The following C1QTNF5 variants were observed in gnomAD, a reference collection of about 807,000 sequenced individuals.
C1QTNF5 encodes the protein complement C1q tumor necrosis factor-related protein 5.
In C1QTNF5, 5 loss-of-function variants were observed where a neutral mutation model predicts 10.9. The observed-to-expected ratio is 0.46, with a 90% CI of 0.24 to 0.97. C1QTNF5 has a LOEUF of 0.97. Ranked by LOEUF, C1QTNF5 falls within the 50% of genes least tolerant of loss-of-function variation. C1QTNF5 has a pLI of 0.19. For missense variants in C1QTNF5, 281 were observed against 339.4 expected, an observed-to-expected ratio of 0.83 and a Z score of 1.35; for synonymous variants, 161 against 156.5, an observed-to-expected ratio of 1.03 and a Z score of -0.22.
rs368962202 is a variant in C1QTNF5, at chr11:119,339,648, C to A, written c.415G>T (p.Val139Phe). ...LVNEQGHYDA[V>F]TGKFTCQVPG... ...ACCTGGCAGGTGAACTTGCCGGTGA[C>A]GGCGTCGTAATGTCCCTGCTCGTTC... The change falls in exon 3 of 3, where the codon GTC becomes TTC. Residue 139 changes from valine (V) to phenylalanine (F), a missense_variant. Val to Phe is a conservative substitution (Grantham distance 50). Transcript: ENST00000528368. This position sits in a 1 kb window ranked among gnomAD's most constrained non-coding sequence, Gnocchi z 5.4. The A allele has an allele frequency of 6.8e-6, 11 of 1,612,468 alleles. No individual in the cohort carries two copies. Among genetic ancestry groups the A allele is most frequent in the Non-Finnish European group, 8.5e-6 (10 of 1,180,030 alleles).
chr11:119,342,430 C>T (rs1053424434), upstream of C1QTNF5, among the ~76,000 whole-genome samples: 3 of 152,158 alleles, frequency 2.0e-5, no homozygotes, highest in Non-Finnish European at 2.9e-5. Flanking sequence ...CACCACCAGC[C>T]GACTGTCTTC....
chr11:119,346,210 C>T, the C1QTNF5 span: 2 of 1,568,442 alleles, frequency 1.3e-6, no homozygotes, highest in East Asian at 4.7e-5. Flanking sequence ...GGGTATTCCT[C>T]ATGCTGTCCT....
upstream of C1QTNF5, chr11:119,341,739 G>A (rs730882144): frequency 9.3e-6 from 15 of 1,613,264 alleles, no homozygotes; most frequent in South Asian, 9.9e-5. Context: ...AGGAGCCTCC[G>A]GAAATGCTGG....
upstream of C1QTNF5, chr11:119,343,679 G>A (rs762637315): frequency 1.3e-5 from 14 of 1,074,872 alleles, no homozygotes; most frequent in African/African-American, 3.1e-5. Context: ...TCTTTAGGGT[G>A]ATGGTGAAGA....
At chr11:119,344,738 C>G (rs541289282), upstream of C1QTNF5, 1 of 1,614,040 alleles carries the variant, frequency 6.2e-7, no homozygotes, top group East Asian at 2.2e-5. Context: ...CACAGCGGAA[C>G]TCATCATGGG....
chr11:119,341,092 A>C (rs1314738116), upstream of C1QTNF5: 1 of 206,410 alleles, frequency 4.8e-6, no homozygotes, highest in Non-Finnish European at 9.9e-6. Context: ...CAAGGACCAG[A>C]CCCCATTTCA....
rs1177929329 is a variant in C1QTNF5, at chr11:119,339,825, G to T, written c.238C>A (p.Pro80Thr). 1 of 1,512,208 alleles carries T rather than the reference G, an allele frequency of 6.6e-7. No individual in the cohort carries two copies. The highest frequency in any genetic ancestry group is 2.4e-5 in the East Asian group (1 of 40,900). The allele number at this position is 1,512,208 out of a possible 1,614,324, so 93.7% of individuals were successfully genotyped here. The change falls in exon 3 of 3, where the codon CCC (proline) becomes ACC (threonine). Residue 80 changes from proline (P) to threonine (T), a missense_variant. By Grantham distance (38) the Pro-to-Thr change is conservative. Coordinates refer to ENST00000528368, the MANE Select transcript of C1QTNF5 (RefSeq NM_001278431.2). This position sits in a 1 kb window ranked among gnomAD's most constrained non-coding sequence, Gnocchi z 5.4. The stretch of plus-strand genomic sequence containing the variant: ...GGTCCCGCCTCTCCTCGCGGCCCGG[G>T]GTCCCCTCGAGGTCCCGGCAGTCCT... The part of the protein sequence containing the change: ...RPGLPGPRGD[P>T]GPRGEAGPAG...
upstream of C1QTNF5, chr11:119,343,150 CACATATATTCA>C (rs2135369742): frequency 1.0e-6 from 1 of 985,610 alleles, no homozygotes; most frequent in East Asian, 2.6e-5. Context: ...GCGAGAAAGA[CACATATATTCA>C]ACAGGGAAAG....
At chr11:119,343,098 G>T, upstream of C1QTNF5, 3 of 1,465,616 alleles carry the variant, frequency 2.0e-6, no homozygotes, top group Non-Finnish European at 2.8e-6. Flanking sequence ...TGGGAGCCCT[G>T]GATGATGCCA....
upstream of C1QTNF5, among the ~76,000 whole-genome samples, chr11:119,342,332 T>C (rs1245577313): frequency 4.6e-5 from 7 of 152,164 alleles, no homozygotes; most frequent in African/African-American, 1.7e-4. Context: ...GGAAAGGGGC[T>C]CTGGGTGACA....
the C1QTNF5 span, chr11:119,346,344 C>T: frequency 2.1e-5 from 34 of 1,613,924 alleles, no homozygotes; most frequent in Non-Finnish European, 2.8e-5. Flanking sequence ...GGCCCAGACT[C>T]AGGCTCGAAG....
upstream of C1QTNF5, chr11:119,341,025 C>A: frequency 5.7e-6 from 1 of 176,980 alleles, no homozygotes; most frequent in South Asian, 1.3e-4. Context: ...GAGAGACGGA[C>A]ACACAGGGCA....
chr11:119,345,903 C>A, upstream of C1QTNF5: 1 of 1,613,650 alleles, frequency 6.2e-7, no homozygotes, highest in Non-Finnish European at 8.5e-7. Flanking sequence ...TATGGGACGC[C>A]CCAGATGGGG....
chr11:119,341,558 G>C (rs778116339), upstream of C1QTNF5: 2 of 1,612,332 alleles, frequency 1.2e-6, no homozygotes, highest in East Asian at 4.5e-5. Flanking sequence ...TCAGGGCTGG[G>C]CACAAGCTTC....
Position 119,339,270 on chromosome 11 carries a change from G to T in C1QTNF5, c.*61C>A. The stretch of plus-strand genomic sequence containing the variant: ...GGGGGCCAGCCCTCCTGGATGACCT[G>T]GTTGTCAGCCTCACACCCTCCTTCT... On this transcript the variant is annotated 3_prime_UTR_variant, in exon 3 of 3. Transcript: ENST00000528368. This position sits in a 1 kb window ranked among gnomAD's most constrained non-coding sequence, Gnocchi z 5.4. 6.4e-7 allele frequency: 1 copy of T among 1,563,364 alleles called. No homozygotes were observed. The highest frequency in any genetic ancestry group is 8.7e-7 in the Non-Finnish European group (1 of 1,150,198).
chr11:119,342,583 G>C, upstream of C1QTNF5: 1 of 1,612,812 alleles, frequency 6.2e-7, no homozygotes, highest in South Asian at 1.1e-5. Flanking sequence ...GTCCCCAGGG[G>C]CAGGCTTCTC....
upstream of C1QTNF5, chr11:119,342,703 G>T: frequency 6.2e-7 from 1 of 1,613,668 alleles, no homozygotes; most frequent in Non-Finnish European, 8.5e-7. Flanking sequence ...TGCCTGGCAG[G>T]AGAGCTCACT....
chr11:119,346,220 T>C, the C1QTNF5 span: 4 of 1,570,616 alleles, frequency 2.5e-6, no homozygotes, highest in African/African-American at 5.4e-5. Context: ...CATGCTGTCC[T>C]TGGCTCCTGG....
upstream of C1QTNF5, chr11:119,344,023 C>T: frequency 1.9e-6 from 3 of 1,603,450 alleles, no homozygotes; most frequent in Admixed American, 1.7e-5. Flanking sequence ...ATCCCGGGCA[C>T]CCAGAAGGGT....
Sources: gnomAD v4.1 joint callset for allele counts (sites outside exome capture counted in the v4.1 genomes callset) on GRCh38, gnomAD v4.1.1 for gene constraint, Gnocchi (gnomAD v3.1) non-coding constraint, MANE v1.5 for transcripts, NCBI Gene and HGNC (gene_info 2026-07-23, HGNC 2026-07-21) for gene names.